The following PHF24 variants were observed in gnomAD, a reference collection of about 807,000 sequenced individuals.
PHF24 encodes the protein Galpha inhibitory interacting protein.
Under a neutral mutation model 42.6 loss-of-function variants are expected in PHF24, and 25 were observed. The observed-to-expected ratio is 0.59, with a 90% CI of 0.43 to 0.82. The LOEUF (loss-of-function observed/expected upper bound fraction) is 0.82, where lower values mean the gene tolerates loss of function less well. PHF24 is among the 40% of genes least tolerant of loss of function. PHF24 has a pLI of 0.00. For missense variants in PHF24, 470 were observed against 538.1 expected, an observed-to-expected ratio of 0.87 and a Z score of 1.25; for synonymous variants, 185 against 204.8, an observed-to-expected ratio of 0.90 and a Z score of 0.83.
At chr9:34,835,652 G>A in the PHF24 span, 327 of 1,551,542 alleles carry the variant, frequency 2.1e-4, 1 homozygote, top group Non-Finnish European at 2.7e-4. Context: ...ATGGTGTTTG[G>A]GCCCCGGAGC....
the PHF24 span, chr9:34,724,515 T>G: frequency 6.4e-7 from 1 of 1,551,442 alleles, no homozygotes; most frequent in East Asian, 2.4e-5. Flanking sequence ...TTCCTTGCCC[T>G]AATGGGAATT....
At chr9:34,773,626 T>C in the PHF24 span, among the ~76,000 whole-genome samples, 3 of 152,084 alleles carry the variant, frequency 2.0e-5, no homozygotes, top group African/African-American at 7.2e-5. Context: ...GGAGAATAAA[T>C]AAGTAAACGG....
At chr9:34,671,070 A>G in the PHF24 span, among the ~76,000 whole-genome samples, 1 of 152,186 alleles carries the variant, frequency 6.6e-6, no homozygotes, top group African/African-American at 2.4e-5. Flanking sequence ...TGGCCCAGCC[A>G]GCACTGTCCC....
At chr9:34,884,645 G>A in the PHF24 span, among the ~76,000 whole-genome samples, 1 of 152,200 alleles carries the variant, frequency 6.6e-6, no homozygotes, top group South Asian at 2.1e-4. Flanking sequence ...AGAGGGACTA[G>A]AATTTGAGTG....
At chr9:34,693,915 T>C in the PHF24 span, among the ~76,000 whole-genome samples, 1 of 152,170 alleles carries the variant, frequency 6.6e-6, no homozygotes, top group Non-Finnish European at 1.5e-5. Flanking sequence ...CTTTAGCTTT[T>C]CTTATGGGCA....
the PHF24 span, chr9:34,917,503 A>T: frequency 1.3e-6 from 1 of 773,004 alleles, no homozygotes; most frequent in South Asian, 1.3e-5. Flanking sequence ...GAAAGCCTGC[A>T]GAGACCAATT....
the PHF24 span, among the ~76,000 whole-genome samples, chr9:34,936,760 G>A: frequency 1.9e-4 from 23 of 122,552 alleles, 1 homozygote; most frequent in Non-Finnish European, 3.4e-4. Context: ...GCCCGGCCGC[G>A]ACCCCGTCTG....
At chr9:34,709,907 G>A in the PHF24 span, 2 of 1,614,070 alleles carry the variant, frequency 1.2e-6, no homozygotes, top group African/African-American at 2.7e-5. Flanking sequence ...CCTGCAGGGT[G>A]GGATTCACAG....
At chr9:34,718,625 G>C in the PHF24 span, among the ~76,000 whole-genome samples, 1 of 152,252 alleles carries the variant, frequency 6.6e-6, no homozygotes, top group Non-Finnish European at 1.5e-5. Context: ...GCCCTGGTTA[G>C]CTGGTTAAGC....
the PHF24 span, among the ~76,000 whole-genome samples, chr9:34,913,735 G>T: frequency 6.6e-6 from 1 of 152,282 alleles, no homozygotes; most frequent in East Asian, 1.9e-4. Context: ...AGATGGTATA[G>T]GTCTGGCTCT....
the PHF24 span, among the ~76,000 whole-genome samples, chr9:34,705,384 C>T: frequency 1.3e-5 from 2 of 152,214 alleles, no homozygotes; most frequent in African/African-American, 4.8e-5. Flanking sequence ...CTCCCAGGCT[C>T]AAGTGATCCT....
At chr9:34,972,630 A>G in intron 3 of PHF24, 99 bp downstream of exon 3, 2 of 1,234,942 alleles carry the variant, frequency 1.6e-6, no homozygotes, top group East Asian at 2.6e-5. Flanking sequence ...AGAATTTTCC[A>G]ATGGGCTGGG....
At chr9:34,888,013 A>T in the PHF24 span, among the ~76,000 whole-genome samples, 1 of 151,930 alleles carries the variant, frequency 6.6e-6, no homozygotes. Context: ...TAATTATTAT[A>T]CAGGGGTTTC....
chr9:34,777,977 G>C, the PHF24 span, among the ~76,000 whole-genome samples: 1 of 152,132 alleles, frequency 6.6e-6, no homozygotes, highest in Admixed American at 6.5e-5. Flanking sequence ...GATTGCTGAG[G>C]GTCTCTCACT....
At chr9:34,825,595 C>CTGATGCAGGGTGTTCATGAGTCCT in the PHF24 span, among the ~76,000 whole-genome samples, 10,666 of 151,090 alleles carry the variant, frequency 0.071, 1,307 homozygotes, top group African/African-American at 0.25. Context: ...TCGAGCATGT[C>CTGATGCAGGGTGTTCATGAGTCCT]TGATGCAGGG....
At chr9:34,875,944 A>ACTCTCTCTCTCTCTCT in the PHF24 span, among the ~76,000 whole-genome samples, 19 of 85,678 alleles carry the variant, frequency 2.2e-4, no homozygotes, top group African/African-American at 9.3e-4. Context: ...ACACACACAC[A>ACTCTCTCTCTCTCTCT]CACACACTCT....
chr9:34,938,974 T>A, the PHF24 span, among the ~76,000 whole-genome samples: 1 of 144,416 alleles, frequency 6.9e-6, no homozygotes, highest in Admixed American at 6.9e-5. Context: ...GTGATTTATT[T>A]AAAAAAAAAT....
chr9:34,967,675 C>G (rs1347275740), intron 1 of PHF24, among the ~76,000 whole-genome samples: 4 of 152,144 alleles, frequency 2.6e-5, no homozygotes, highest in African/African-American at 9.7e-5. Flanking sequence ...ACGCTGTTGC[C>G]CATGAGGCAT....
the PHF24 span, among the ~76,000 whole-genome samples, chr9:34,719,510 C>T: frequency 6.6e-6 from 1 of 152,236 alleles, no homozygotes; most frequent in Non-Finnish European, 1.5e-5. Context: ...CCTGACTTTG[C>T]TTAGCTCTCA....
Sources: allele counts gnomAD v4.1 joint callset (sites outside exome capture counted in the v4.1 genomes callset), GRCh38; gene constraint gnomAD v4.1.1; transcripts MANE v1.5; gene names NCBI Gene and HGNC (gene_info 2026-07-23, HGNC 2026-07-21).